The following SOX5 variants were observed in gnomAD, a reference collection of about 807,000 sequenced individuals.
The protein encoded by SOX5 is SRY-box transcription factor 5.
In SOX5, 9 loss-of-function variants were observed where a neutral mutation model predicts 92.0. That is an observed-to-expected ratio of 0.10 (90% confidence interval 0.06 to 0.17). SOX5 has a LOEUF of 0.17. SOX5 is among the 10% of genes least tolerant of loss of function. The pLI, the probability that SOX5 is intolerant of heterozygous loss-of-function variation, is 1.00. For synonymous variants in SOX5, 344 were observed against 336.3 expected (o/e 1.02, Z -0.25); for missense variants, 642 against 944.5 (o/e 0.68, Z 4.20).
In SOX5 at chr12:23,530,837, A is replaced by ATGTGTGTGTGTG; in HGVS notation, c.*3381_*3382insCACACACACACA. On this transcript the variant is annotated 3_prime_UTR_variant, in exon 15 of 15. Transcript: ENST00000451604. ...TGTGTGTGCGCGCGCGCGCGCGCGC[A>ATGTGTGTGTGTG]TGTGAGAGAGAGAGAGAAAGGGAAA... The ATGTGTGTGTGTG allele has an allele frequency of 4.8e-5, 1 of 20,906 alleles. No individual in the cohort carries two copies. Among genetic ancestry groups the ATGTGTGTGTGTG allele is most frequent in the Non-Finnish European group, 1.6e-4 (1 of 6,208 alleles). The allele number at this position is 20,906 out of a possible 1,614,324, so 1.3% of individuals were successfully genotyped here.
chr12:24,276,156 G>T (rs1045336004), intron 3 of SOX5, among the ~76,000 whole-genome samples: 1 of 151,828 alleles, frequency 6.6e-6, no homozygotes, highest in Non-Finnish European at 1.5e-5. Context: ...GAATAATTTG[G>T]TTGTGACTTA....
intron 9 of SOX5, among the ~76,000 whole-genome samples, chr12:23,602,816 T>C (rs140062165): frequency 2.6e-4 from 40 of 152,196 alleles, no homozygotes; most frequent in African/African-American, 9.1e-4. Flanking sequence ...AAATTATCAC[T>C]ACTTTAAAAT....
chr12:24,503,905 T>C (rs905652513), intron 1 of SOX5, among the ~76,000 whole-genome samples: 3 of 151,996 alleles, frequency 2.0e-5, no homozygotes, highest in African/African-American at 7.2e-5. Flanking sequence ...CAAACCACCA[T>C]GGCACGTGTA....
At chr12:23,651,885 T>C (rs1471212652) in intron 7 of SOX5, among the ~76,000 whole-genome samples, 3 of 151,808 alleles carry the variant, frequency 2.0e-5, no homozygotes, top group Non-Finnish European at 4.4e-5. Flanking sequence ...TTTCATCTAG[T>C]AGCAAAAATT....
chr12:24,010,454 T>G (rs543114949), intron 4 of SOX5, among the ~76,000 whole-genome samples: 15 of 152,328 alleles, frequency 9.8e-5, no homozygotes, highest in African/African-American at 3.4e-4. Context: ...AGAAAAATGT[T>G]ATATAGGTAG....
At chr12:23,536,415 A>C in intron 14 of SOX5, 38 bp downstream of exon 14, 1 of 1,485,780 alleles carries the variant, frequency 6.7e-7, no homozygotes, top group South Asian at 1.1e-5. Flanking sequence ...TATAACAGGA[A>C]GTTTGCCCCA....
chr12:23,849,422 C>T (rs2096607411), intron 2 of SOX5, among the ~76,000 whole-genome samples: 1 of 152,108 alleles, frequency 6.6e-6, no homozygotes, highest in African/African-American at 2.4e-5. Context: ...TTATAATTTC[C>T]ATTTCATAGC....
At chr12:24,530,207 A>G (rs1036199400) in intron 1 of SOX5, among the ~76,000 whole-genome samples, 1 of 152,156 alleles carries the variant, frequency 6.6e-6, no homozygotes, top group African/African-American at 2.4e-5. Flanking sequence ...AGTTTACAAA[A>G]TGCATTCACA....
chr12:24,158,412 A>G (rs1345181219), intron 4 of SOX5, among the ~76,000 whole-genome samples: 1 of 151,960 alleles, frequency 6.6e-6, no homozygotes, highest in African/African-American at 2.4e-5. Context: ...GGAATAACTA[A>G]CATTTACCCA....
chr12:24,415,576 G>A (rs1964887079), intron 1 of SOX5, among the ~76,000 whole-genome samples: 1 of 152,160 alleles, frequency 6.6e-6, no homozygotes, highest in South Asian at 2.1e-4. Context: ...CAATTTGTGA[G>A]TTAGGCTGGT....
intron 1 of SOX5, among the ~76,000 whole-genome samples, chr12:24,495,860 G>A (rs537551116): frequency 3.3e-5 from 5 of 152,272 alleles, no homozygotes; most frequent in African/African-American, 4.8e-5. Context: ...GCTCAGTTCC[G>A]AGAGAGTCCT....
chr12:24,274,161 A>C (rs960704270), intron 3 of SOX5, among the ~76,000 whole-genome samples: 2 of 152,186 alleles, frequency 1.3e-5, no homozygotes, highest in African/African-American at 4.8e-5. Flanking sequence ...TTGCCATTCA[A>C]CTAAATCTCA....
intron 1 of SOX5, among the ~76,000 whole-genome samples, chr12:24,549,569 T>C (rs1221473046): frequency 6.6e-6 from 1 of 152,210 alleles, no homozygotes; most frequent in African/African-American, 2.4e-5. Flanking sequence ...GTGGCTTTTG[T>C]GCACTGGCAT....
chr12:23,611,414 C>T (rs938045207), intron 8 of SOX5, among the ~76,000 whole-genome samples: 3 of 151,064 alleles, frequency 2.0e-5, no homozygotes, highest in African/African-American at 4.9e-5. Flanking sequence ...ATATATCTCA[C>T]ATTTTCTGTA....
At chr12:24,258,970 T>C (rs1478713957) in intron 3 of SOX5, among the ~76,000 whole-genome samples, 1 of 152,194 alleles carries the variant, frequency 6.6e-6, no homozygotes, top group East Asian at 1.9e-4. Flanking sequence ...TCTTAACCAC[T>C]CTTCTAGGCT....
chr12:23,726,732 A>G (rs545160923), intron 6 of SOX5, among the ~76,000 whole-genome samples: 5 of 152,284 alleles, frequency 3.3e-5, no homozygotes, highest in Admixed American at 6.5e-5. Context: ...TTGAAAAGTC[A>G]TGGGAAAAAT....
intron 1 of SOX5, among the ~76,000 whole-genome samples, chr12:24,422,520 C>T (rs1966085687): frequency 6.6e-6 from 1 of 152,138 alleles, no homozygotes; most frequent in Non-Finnish European, 1.5e-5. Context: ...GCAGAGTCAC[C>T]TGAACCCACA....
At chr12:24,046,672 CTTTTT>C (rs61416662) in intron 4 of SOX5, among the ~76,000 whole-genome samples, 1 of 126,766 alleles carries the variant, frequency 7.9e-6, no homozygotes, top group Non-Finnish European at 1.6e-5. Flanking sequence ...TAAAATGTGT[CTTTTT>C]TTTTTTTTTT....
Position 24,370,747 on chromosome 12 carries a change from G to A in SOX5, c.-250-2108C>T, listed in dbSNP as rs578053249. Among the ~76,000 whole-genome samples, 158 of 152,296 alleles carry A rather than the reference G, an allele frequency of 1.0e-3. 1 individual carries two copies. Among genetic ancestry groups the A allele is most frequent in the African/African-American group, 3.8e-3 (156 of 41,558 alleles). ...GCAGAGGTTTCAGTGAGCCGAGATC[G>A]TGCCATTGTACTCCAGCCTGGATGA... On this transcript the variant is annotated intron_variant, in intron 1 of 4. Transcript: ENST00000446891.
Sources: gnomAD v4.1 joint callset for allele counts (sites outside exome capture counted in the v4.1 genomes callset) on GRCh38, gnomAD v4.1.1 for gene constraint, MANE v1.5 for transcripts, NCBI Gene and HGNC (gene_info 2026-07-23, HGNC 2026-07-21) for gene names.